MEGF10: variants seen among roughly 807,000 people sequenced by gnomAD.
The protein encoded by MEGF10 is multiple epidermal growth factor-like domains protein 10.
MEGF10 carries 86 observed loss-of-function variants against 147.5 expected under a neutral mutation model. The ratio of observed to expected loss-of-function variants is 0.58; its 90% CI spans 0.49 to 0.70. MEGF10 has a LOEUF of 0.70. MEGF10 is among the 30% of genes least tolerant of loss of function. MEGF10 has a pLI of 0.00. For missense variants in MEGF10, 1,329 were observed against 1,487.3 expected, an observed-to-expected ratio of 0.89 and a Z score of 1.75; for synonymous variants, 478 against 525.5, an observed-to-expected ratio of 0.91 and a Z score of 1.24.
chr5:127,233,611 A>G, the MEGF10 span, among the ~76,000 whole-genome samples: 1 of 152,240 alleles, frequency 6.6e-6, no homozygotes, highest in South Asian at 2.1e-4. Context: ...AAGGCACTTA[A>G]GGTTAATGAA....
chr5:127,299,714 T>C (rs1365206557), intron 1 of MEGF10, among the ~76,000 whole-genome samples: 1 of 151,120 alleles, frequency 6.6e-6, no homozygotes, highest in Non-Finnish European at 1.5e-5. Context: ...CTGTGGATAC[T>C]TGTAGGTGGC....
Position 127,449,128 on chromosome 5 carries a change from T to G in MEGF10, c.2886T>G (p.Leu962=). 5 of 1,614,136 alleles carry G rather than the reference T, an allele frequency of 3.1e-6. No homozygotes were observed. Among genetic ancestry groups the G allele is most frequent in the Non-Finnish European group, 4.2e-6 (5 of 1,180,000 alleles). ...KSKNNQLFVN[L]KNVNPGKRGP... is the part of the protein sequence containing the mutation. ...AAAACAATCAACTGTTTGTGAATCT[T>G]AAAAATGTGAACCCTGGGAAGAGAG... The change falls in exon 22 of 25, where the codon CTT becomes CTG. Residue 962 remains leucine (L), a synonymous_variant. Transcript: ENST00000503335.
At chr5:127,361,070 A>C (rs1762455146) in intron 4 of MEGF10, among the ~76,000 whole-genome samples, 2 of 151,950 alleles carry the variant, frequency 1.3e-5, no homozygotes, top group Non-Finnish European at 2.9e-5. Flanking sequence ...GGAAGCTGGG[A>C]AGTAGTCTCT....
intron 1 of MEGF10, among the ~76,000 whole-genome samples, chr5:127,309,994 T>TTTCTTTCC (rs781685715): frequency 2.6e-4 from 15 of 56,864 alleles, no homozygotes; most frequent in South Asian, 1.4e-3. Flanking sequence ...TCTTTCTTTC[T>TTTCTTTCC]TTCCTTCCTT....
At chr5:127,402,456 C>T in intron 7 of MEGF10, 90 bp from the exon 8 acceptor site, 2 of 1,436,946 alleles carry the variant, frequency 1.4e-6, no homozygotes, top group South Asian at 2.8e-5. Flanking sequence ...CCCATCCCTC[C>T]TTTCTATTTC....
chr5:127,457,539 A>G lies in MEGF10; in HGVS notation c.*221A>G. On this transcript the variant is annotated 3_prime_UTR_variant, in exon 25 of 25. Coordinates refer to ENST00000503335, the MANE Select transcript of MEGF10 (RefSeq NM_001256545.2). ...AGAGATGTGATTTCCCATTGCTGTT[A>G]GTTTTAGAACTATACCCGTGAAGCA... The G allele has an allele frequency of 1.9e-6, 1 of 527,224 alleles. No homozygotes were observed. Among genetic ancestry groups the G allele is most frequent in the Middle Eastern group, 5.1e-4 (1 of 1,958 alleles). 32.7% of individuals were successfully genotyped at this position (527,224 alleles called of 1,614,324 possible).
chr5:127,414,129 G>A (rs1460589509), intron 9 of MEGF10, among the ~76,000 whole-genome samples: 1 of 151,994 alleles, frequency 6.6e-6, no homozygotes, highest in Non-Finnish European at 1.5e-5. Flanking sequence ...CCCGTTTTTT[G>A]TACAATATTT....
rs144145310 is a variant in MEGF10, at chr5:127,419,178, G to T, written c.1364G>T (p.Arg455Leu). Residue 455 changes from arginine to leucine, a missense_variant, in exon 11 of 25, where the codon CGC becomes CTC. Physicochemically the swap from Arg to Leu is moderately radical, Grantham distance 102. This residue lies in a region of MEGF10 where 980 missense variants were observed against 1,085.9 expected (regional missense o/e 0.90). Coordinates refer to ENST00000503335, the MANE Select transcript of MEGF10 (RefSeq NM_001256545.2). ...ACCTATGGGATAAACTGTTCCTCTC[G>T]CTGTGGCTGTAAAAATGATGCAGTC... is the stretch of plus-strand genomic sequence containing the variant. ...LGTYGINCSS[R>L]CGCKNDAVCS... 7 of 1,613,988 alleles carry T rather than the reference G, an allele frequency of 4.3e-6. No individual in the cohort carries two copies. Among genetic ancestry groups the T allele is most frequent in the African/African-American group, 1.3e-5 (1 of 74,900 alleles).
At chr5:127,333,755 G>A (rs541207955) in intron 2 of MEGF10, among the ~76,000 whole-genome samples, 89 of 152,270 alleles carry the variant, frequency 5.8e-4, no homozygotes, top group Non-Finnish European at 9.6e-4. Flanking sequence ...TCTTCTGATA[G>A]GAAACGAAAT....
At chr5:127,283,336 T>G in the MEGF10 span, among the ~76,000 whole-genome samples, 1 of 152,238 alleles carries the variant, frequency 6.6e-6, no homozygotes, top group Non-Finnish European at 1.5e-5. Flanking sequence ...ATATCAAATG[T>G]TGAAATTTTA....
chr5:127,233,779 C>A, the MEGF10 span, among the ~76,000 whole-genome samples: 2 of 152,162 alleles, frequency 1.3e-5, no homozygotes, highest in Admixed American at 1.3e-4. Context: ...GCCAGCTTAA[C>A]TCTGGGCTGC....
At chr5:127,386,242 A>C (rs1229344593) in intron 5 of MEGF10, among the ~76,000 whole-genome samples, 1 of 152,232 alleles carries the variant, frequency 6.6e-6, no homozygotes, top group East Asian at 1.9e-4. Context: ...TCCTTTAATA[A>C]GCATCTTACA....
At chr5:127,409,734 G>A (rs527866047) in intron 8 of MEGF10, 1 of 153,238 alleles carries the variant, frequency 6.5e-6, no homozygotes, top group Non-Finnish European at 1.5e-5. Context: ...TTTCGTGTTA[G>A]AAAACTCCAA....
At position 127,457,313 on chromosome 5, in the gene MEGF10, G is replaced by A. The variant is rs1241536028; in HGVS notation, c.3418G>A (p.Glu1140Lys). 5.6e-6 allele frequency: 9 copies of A among 1,612,866 alleles called. No homozygotes were observed. Among genetic ancestry groups the A allele is most frequent in the Non-Finnish European group, 7.6e-6 (9 of 1,179,724 alleles). Residue 1140 changes from glutamate to lysine, a missense_variant, in exon 25 of 25, where the codon GAA becomes AAA. Glu to Lys is a moderately conservative substitution (Grantham distance 56). Coordinates refer to ENST00000503335, the MANE Select transcript of MEGF10 (RefSeq NM_001256545.2). Reference sequence around the variant, plus strand: ...CAGCAGCAACAGCAGCAGCAGCAGTGAATGACACCAAAGGACCGCTTGGTA... The same window carrying A: ...CAGCAGCAACAGCAGCAGCAGCAGTAAATGACACCAAAGGACCGCTTGGTA... Reference protein sequence around the residue: ...GSSSNSSSSSE With the variant: ...GSSSNSSSSSK
Position 127,399,988 on chromosome 5 carries a change from G to A in MEGF10, c.780+1192G>A, listed in dbSNP as rs31433. Reference sequence around the variant, plus strand: ...GATAACCTATAGACACAAAGCCACCGTCTCTTTGGGCAATGCCCAAGCTAG... The same window carrying A: ...GATAACCTATAGACACAAAGCCACCATCTCTTTGGGCAATGCCCAAGCTAG... On this transcript the variant is annotated intron_variant, in intron 7 of 24. Coordinates refer to ENST00000503335, the MANE Select transcript of MEGF10 (RefSeq NM_001256545.2). 9.1e-3 allele frequency among the ~76,000 whole-genome samples: 1,391 copies of A among 152,218 alleles called. 14 individuals carry two copies. The highest frequency in any genetic ancestry group is 0.027 in the African/African-American group (1,106 of 41,542).
chr5:127,265,602 G>T, the MEGF10 span, among the ~76,000 whole-genome samples: 2 of 152,076 alleles, frequency 1.3e-5, no homozygotes, highest in African/African-American at 2.4e-5. Flanking sequence ...ACTTTTTAAT[G>T]ATCGCCATTC....
chr5:127,272,306 A>C, the MEGF10 span, among the ~76,000 whole-genome samples: 2 of 152,114 alleles, frequency 1.3e-5, no homozygotes, highest in Non-Finnish European at 2.9e-5. Context: ...TTCTTGTACC[A>C]GTACCAGTAC....
chr5:127,443,273 A>G (rs1285621033), intron 19 of MEGF10, 147 bp downstream of exon 19: 8 of 854,224 alleles, frequency 9.4e-6, no homozygotes, highest in Non-Finnish European at 3.3e-6. Flanking sequence ...TAATTGCCAG[A>G]TGAATGCCTT....
intron 12 of MEGF10, among the ~76,000 whole-genome samples, chr5:127,421,744 T>C (rs1765013202): frequency 6.6e-6 from 1 of 152,146 alleles, no homozygotes; most frequent in South Asian, 2.1e-4. Flanking sequence ...TAACAAAATA[T>C]CTTCATTTTT....
Sources: gnomAD v4.1 joint callset for allele counts (sites outside exome capture counted in the v4.1 genomes callset) on GRCh38, gnomAD v4.1.1 for gene constraint, gnomAD v4.1.1 regional missense constraint, MANE v1.5 for transcripts, NCBI Gene and HGNC (gene_info 2026-07-23, HGNC 2026-07-21) for gene names.